HNRNPA3: variants seen among roughly 807,000 people sequenced by gnomAD.
The protein encoded by HNRNPA3 is epididymis secretory sperm binding protein.
HNRNPA3 carries 3 observed loss-of-function variants against 45.8 expected under a neutral mutation model. The ratio of observed to expected loss-of-function variants is 0.07; its 90% confidence interval spans 0.03 to 0.17. The LOEUF (loss-of-function observed/expected upper bound fraction) is 0.17. Among genes scored for constraint, HNRNPA3 ranks in the 10% least tolerant of loss-of-function variants. The probability of loss-of-function intolerance (pLI) is 1.00; values close to 1 mark genes in which losing one functional copy is unlikely to be tolerated. For missense variants in HNRNPA3, 183 were observed against 480.3 expected (o/e 0.38, Z 5.79); for synonymous variants, 170 against 155.6 (o/e 1.09, Z -0.69).
At position 177,219,324 on chromosome 2, in the gene HNRNPA3, T is replaced by A; in HGVS notation, c.*15+10T>A. 6.3e-7 allele frequency: 1 copy of A among 1,577,334 alleles called. No individual in the cohort carries two copies. Among genetic ancestry groups the A allele is most frequent in the Non-Finnish European group, 8.7e-7 (1 of 1,152,740 alleles). On this transcript the variant is annotated intron_variant, in intron 10 of 10. Coordinates refer to ENST00000392524, the Ensembl canonical transcript of HNRNPA3. ...AAAACAGCAGAAAAGGGTAGGTATCTTTAAATTTTTATTATGATGATAAAA... is the reference window on the plus strand; with the variant it reads ...AAAACAGCAGAAAAGGGTAGGTATCATTAAATTTTTATTATGATGATAAAA...
exon 10 of HNRNPA3, chr2:177,219,248 T>C: frequency 6.2e-7 from 1 of 1,613,540 alleles, no homozygotes; most frequent in Non-Finnish European, 8.5e-7. Context: ...TATTTTCAGG[T>C]GGTTATGGAT....
At chr2:177,218,052 C>CCTTTTTTTTTTTTTT (rs1689025445) in intron 8 of HNRNPA3, among the ~76,000 whole-genome samples, 1 of 102,190 alleles carries the variant, frequency 9.8e-6, no homozygotes, top group African/African-American at 4.0e-5. Context: ...TCTCTTTTTT[C>CCTTTTTTTTTTTTTT]TTTTTTTTTT....
intron 8 of HNRNPA3, among the ~76,000 whole-genome samples, chr2:177,218,264 A>G (rs1012578317): frequency 6.6e-6 from 1 of 151,996 alleles, no homozygotes; most frequent in African/African-American, 2.4e-5. Flanking sequence ...GGGTTTCACC[A>G]TGTTAGCCAG....
exon 4 of HNRNPA3, chr2:177,216,144 C>T: frequency 6.3e-7 from 1 of 1,583,256 alleles, no homozygotes; most frequent in Non-Finnish European, 8.6e-7. Flanking sequence ...AGAGGATTTG[C>T]TTTTGTAACT....
chr2:177,216,213 G>T (rs939112585), intron 4 of HNRNPA3, 25 bp downstream of exon 4: 1 of 1,424,414 alleles, frequency 7.0e-7, no homozygotes, highest in Non-Finnish European at 9.7e-7. Context: ...ATGGTAACTT[G>T]AATGAGAAAG....
At chr2:177,216,982 C>T (rs1688969451) in intron 7 of HNRNPA3, 42 bp downstream of exon 7, 3 of 1,428,774 alleles carry the variant, frequency 2.1e-6, no homozygotes, top group South Asian at 2.7e-5. Flanking sequence ...TTTTAACTTT[C>T]TTTACTTATT....
chr2:177,222,047 T>C (rs1250784416), downstream of HNRNPA3: 2 of 152,604 alleles, frequency 1.3e-5, no homozygotes, highest in African/African-American at 2.4e-5. Context: ...AGAGTAATCT[T>C]TTTGATTTGC....
chr2:177,214,478 A>G (rs1476696293), intron 1 of HNRNPA3, among the ~76,000 whole-genome samples: 1 of 152,108 alleles, frequency 6.6e-6, no homozygotes, highest in African/African-American at 2.4e-5. Context: ...GAACTTTTAG[A>G]TTGTTCTTCA....
At position 177,218,791 on chromosome 2, in the gene HNRNPA3, A is replaced by T. The variant is rs367747351; in HGVS notation, c.962-246A>T. On this transcript the variant is annotated intron_variant, in intron 8 of 10. Transcript: ENST00000392524. ...GTTATACTGCTTCAGAATCATAGTG[A>T]ATGGAACACTGGCAATTTTAATGGT... 2.4e-3 allele frequency among the ~76,000 whole-genome samples: 370 copies of T among 152,300 alleles called. 4 individuals are homozygous for T. The highest frequency in any genetic ancestry group is 8.5e-3 in the African/African-American group (353 of 41,562).
chr2:177,215,194 C>T (rs539266305), intron 1 of HNRNPA3, among the ~76,000 whole-genome samples: 2 of 152,162 alleles, frequency 1.3e-5, no homozygotes, highest in South Asian at 2.1e-4. Flanking sequence ...CCTCCGCCTC[C>T]TGGGTTTAAG....
chr2:177,223,651 A>G (rs1218307191), downstream of HNRNPA3: 5 of 152,326 alleles, frequency 3.3e-5, no homozygotes, highest in East Asian at 9.6e-4. Flanking sequence ...TAATGTCACA[A>G]ATTAGTGAAT....
chr2:177,222,003 CTAAT>C (rs746419931), downstream of HNRNPA3: 2 of 152,620 alleles, frequency 1.3e-5, no homozygotes, highest in African/African-American at 2.4e-5. Flanking sequence ...AATTTTTTCA[CTAAT>C]TAAAGAGTAA....
intron 1 of HNRNPA3, 74 bp downstream of exon 1, chr2:177,212,945 C>A: frequency 3.0e-6 from 3 of 987,980 alleles, no homozygotes; most frequent in East Asian, 3.2e-5. Context: ...AGCGGGGAGG[C>A]CGGGTGGACC....
chr2:177,216,551 C>T, exon 5 of HNRNPA3: 1 of 1,613,966 alleles, frequency 6.2e-7, no homozygotes, highest in Non-Finnish European at 8.5e-7. Flanking sequence ...GTGAAAAAGG[C>T]CCTTTCTAAA....
At chr2:177,220,468 A>G (rs1008359996), downstream of HNRNPA3, 28 of 153,778 alleles carry the variant, frequency 1.8e-4, no homozygotes, top group African/African-American at 6.1e-4. Context: ...GAGTTACTTT[A>G]AATTCTTTTT....
At chr2:177,214,580 G>T (rs895386807) in intron 1 of HNRNPA3, among the ~76,000 whole-genome samples, 1 of 152,168 alleles carries the variant, frequency 6.6e-6, no homozygotes, top group Non-Finnish European at 1.5e-5. Flanking sequence ...CGGATCACGA[G>T]GTCAGGAGAT....
downstream of HNRNPA3, chr2:177,222,076 A>G (rs906737563): frequency 2.0e-5 from 3 of 152,668 alleles, no homozygotes; most frequent in Non-Finnish European, 1.5e-5. Flanking sequence ...TGAGAACCCT[A>G]CTTGCCTAAA....
At chr2:177,223,327 AATT>A (rs1689269777), downstream of HNRNPA3, 2 of 152,254 alleles carry the variant, frequency 1.3e-5, no homozygotes, top group Admixed American at 6.5e-5. Context: ...TATGAAATAA[AATT>A]ATTTTATTTA....
chr2:177,213,327 T>C (rs372364321), intron 1 of HNRNPA3, among the ~76,000 whole-genome samples: 1 of 152,294 alleles, frequency 6.6e-6, no homozygotes, highest in East Asian at 1.9e-4. Flanking sequence ...GCCGCCTCGC[T>C]CTGCCGCCGG....
Sources: gnomAD v4.1 joint callset for allele counts (sites outside exome capture counted in the v4.1 genomes callset) on GRCh38, gnomAD v4.1.1 for gene constraint, MANE v1.5 for transcripts, NCBI Gene and HGNC (gene_info 2026-07-23, HGNC 2026-07-21) for gene names.